PLCB2: variants seen among roughly 807,000 people sequenced by gnomAD.
The protein encoded by PLCB2 is 1-phosphatidylinositol 4,5-bisphosphate phosphodiesterase beta-2.
Under a neutral mutation model 141.7 loss-of-function variants are expected in PLCB2, and 115 were observed. That is an observed-to-expected ratio of 0.81 (90% CI 0.70 to 0.95). The LOEUF (loss-of-function observed/expected upper bound fraction) is 0.95, where lower values mean the gene tolerates loss of function less well. PLCB2 is among the 40% of genes least tolerant of loss of function. PLCB2 has a pLI of 0.00. For synonymous variants in PLCB2, 603 were observed against 595.6 expected (o/e 1.01, Z -0.18); for missense variants, 1,403 against 1,541.1 (o/e 0.91, Z 1.50).
downstream of PLCB2, chr15:40,287,897 T>G (rs1171621185): frequency 9.2e-6 from 9 of 981,912 alleles, no homozygotes; most frequent in Non-Finnish European, 9.7e-6. Context: ...GAGACCAGGC[T>G]TAAGCAGGAA....
At position 40,302,546 on chromosome 15, in the gene PLCB2, G is replaced by T. The variant is rs1331548205; in HGVS notation, c.295C>A (p.Leu99Ile). Residue 99 changes from leucine (L) to isoleucine (I), a missense_variant, in exon 4 of 32, where the codon CTC becomes ATC. By Grantham distance (5) the Leu-to-Ile change is conservative. Around this residue, in one of 4 missense-constraint regions of PLCB2, gnomAD observed 975 missense variants for 1,141.1 expected, o/e 0.85. Coordinates refer to ENST00000260402, the MANE Select transcript of PLCB2 (RefSeq NM_004573.3). ...ATGTCCGGGCCGGACACCACCGTGA[G>T]TGTCTTCAGCAGGAAACTGTTATCA... Reference protein sequence around the residue: ...FPDNSFLLKTLTVVSGPDMVD... With the variant: ...FPDNSFLLKTITVVSGPDMVD... The T allele has an allele frequency of 6.2e-7, 1 of 1,614,228 alleles. No individual in the cohort carries two copies. The highest frequency in any genetic ancestry group is 1.1e-5 in the South Asian group (1 of 91,082).
Position 40,291,001 on chromosome 15 carries a change from C to G in PLCB2, c.3036+17G>C. On this transcript the variant is annotated intron_variant, in intron 27 of 31. Coordinates refer to ENST00000260402, the MANE Select transcript of PLCB2 (RefSeq NM_004573.3). ...CGGTGGGGCTGGTGGGGTTGTCGCCCTGCCCCTCCCGGCCACCTCGGCCAC... is the reference window on the plus strand; with the variant it reads ...CGGTGGGGCTGGTGGGGTTGTCGCCGTGCCCCTCCCGGCCACCTCGGCCAC... The G allele has an allele frequency of 2.5e-6, 4 of 1,586,678 alleles. No individual in the cohort carries two copies. Among genetic ancestry groups the G allele is most frequent in the Non-Finnish European group, 3.4e-6 (4 of 1,175,112 alleles).
Position 40,291,068 on chromosome 15 carries a change from C to CGCCCT in PLCB2, c.2981_2985dup (p.Glu996ArgfsTer10). The CGCCCT allele has an allele frequency of 6.3e-7, 1 of 1,589,890 alleles. No individual in the cohort carries two copies. Among genetic ancestry groups the CGCCCT allele is most frequent in the Non-Finnish European group, 8.5e-7 (1 of 1,175,968 alleles). ...TTCAGAACGCACTCGTACTGCTCCTCGCCCTGCCGCAGCAGCTCCAGCTCC... is the reference window on the plus strand; with the variant it reads ...TTCAGAACGCACTCGTACTGCTCCTCGCCCTGCCCTGCCGCAGCAGCTCCAGCTCC... On this transcript the variant is annotated frameshift_variant, in exon 27 of 32. Coordinates refer to ENST00000260402, the MANE Select transcript of PLCB2 (RefSeq NM_004573.3). LOFTEE classifies it high-confidence loss of function.
chr15:40,301,550 G>A, intron 7 of PLCB2: 1 of 702,986 alleles, frequency 1.4e-6, no homozygotes, highest in South Asian at 1.5e-5. Context: ...ACACGCTGCA[G>A]ACTTCCAGAT....
chr15:40,284,434 C>G (rs1336462878), downstream of PLCB2: 4 of 446,848 alleles, frequency 9.0e-6, no homozygotes, highest in Admixed American at 2.5e-5. Context: ...CTGCTAAATA[C>G]GTACCAACAC....
chr15:40,301,393 A>G (rs1309699358), intron 7 of PLCB2: 1 of 603,144 alleles, frequency 1.7e-6, no homozygotes, highest in Non-Finnish European at 3.0e-6. Context: ...TGTAATTCAC[A>G]CAAGTTGCTT....
Position 40,298,724 on chromosome 15 carries a change from T to G in PLCB2, c.851-16A>C. 5.0e-6 allele frequency: 8 copies of G among 1,613,508 alleles called. No homozygotes were observed. The highest frequency in any genetic ancestry group is 6.8e-6 in the Non-Finnish European group (8 of 1,179,494). On this transcript the variant is annotated splice_polypyrimidine_tract_variant and intron_variant, in intron 9 of 31. Coordinates refer to ENST00000260402, the MANE Select transcript of PLCB2 (RefSeq NM_004573.3). The stretch of plus-strand genomic sequence containing the variant: ...GACAGCTGGCCTGGGGGACAGGAGA[T>G]AGCTGTCAGGCTACAACCCCGCTGC...
chr15:40,294,074 G>A (rs2040072325), intron 19 of PLCB2, among the ~76,000 whole-genome samples, 192 bp downstream of exon 19: 1 of 152,194 alleles, frequency 6.6e-6, no homozygotes, highest in African/African-American at 2.4e-5. Flanking sequence ...GGTTTCCATG[G>A]GGACCAAGTG....
In PLCB2 at chr15:40,296,733, C is replaced by T; in HGVS notation, c.1486+13G>A. ...GCTCCTAATACCCCCCACCATAGTCCTCCCCGACTCACCTGTGCCCTCACC... is the reference window on the plus strand; with the variant it reads ...GCTCCTAATACCCCCCACCATAGTCTTCCCCGACTCACCTGTGCCCTCACC... On this transcript the variant is annotated intron_variant, in intron 14 of 31. Coordinates refer to ENST00000260402, the MANE Select transcript of PLCB2 (RefSeq NM_004573.3). 6.2e-7 allele frequency: 1 copy of T among 1,611,262 alleles called. No homozygotes were observed. The highest frequency in any genetic ancestry group is 8.5e-7 in the Non-Finnish European group (1 of 1,178,136).
rs60309188 is a variant in PLCB2 at position 40,302,090 on chromosome 15, G to C, written c.506+46C>G. On this transcript the variant is annotated intron_variant, in intron 6 of 31. Coordinates refer to ENST00000260402, the MANE Select transcript of PLCB2 (RefSeq NM_004573.3). ...GAGGAGTCAGGCCTGAGAAAGAAAG[G>C]CTTTGGGGAGCCCCTGGAAGCCTGG... is the stretch of plus-strand genomic sequence containing the variant. 5.1e-3 allele frequency: 8,185 copies of C among 1,613,266 alleles called. 134 individuals are homozygous for C. In the East Asian group the frequency reaches 0.066, roughly 13 times the overall value.
At position 40,290,747 on chromosome 15, in the gene PLCB2, G is replaced by T. The variant is rs2039847744; in HGVS notation, c.3113+14C>A. On this transcript the variant is annotated intron_variant, in intron 28 of 31. Transcript: ENST00000260402. ...CTGGGAGGCGAAGCAGGTGTGGGAG[G>T]GAGGCAGTCGTACTTCTCCGACGTC... 1.2e-6 allele frequency: 2 copies of T among 1,613,326 alleles called. No homozygotes were observed. Among genetic ancestry groups the T allele is most frequent in the Non-Finnish European group, 1.7e-6 (2 of 1,179,466 alleles).
chr15:40,297,712 G>A lies in PLCB2; in HGVS notation c.1239-107C>T. ...AGATCAGGGGCCAGGAGGTCAGGGAGGCTGGGACTCGAGCAGGAGAACATG... is the reference window on the plus strand; with the variant it reads ...AGATCAGGGGCCAGGAGGTCAGGGAAGCTGGGACTCGAGCAGGAGAACATG... On this transcript the variant is annotated intron_variant, in intron 12 of 31. Coordinates refer to ENST00000260402, the MANE Select transcript of PLCB2 (RefSeq NM_004573.3). The surrounding 1 kb of genome is among the most constrained non-coding windows in gnomAD (Gnocchi z 4.2). The A allele has an allele frequency of 2.0e-6, 2 of 1,021,994 alleles. No individual in the cohort carries two copies. The highest frequency in any genetic ancestry group is 1.6e-5 in the African/African-American group (1 of 63,732). The allele number at this position is 1,021,994 out of a possible 1,614,324, so 63.3% of individuals were successfully genotyped here.
In PLCB2 at chr15:40,296,576, C is replaced by CTCCTCT. The variant is rs1418656352; in HGVS notation, c.1539_1544dup (p.Glu516_Glu517dup). ...CTTCATCCAGGTTTCCTGACTCCTC[C>CTCCTCT]TCCTCTTCCTCTTCCACCTCCTCCT... On this transcript the variant is annotated inframe_insertion, in exon 15 of 32. Transcript: ENST00000260402. 6.2e-7 allele frequency: 1 copy of CTCCTCT among 1,613,282 alleles called. No homozygotes were observed. Among genetic ancestry groups the CTCCTCT allele is most frequent in the African/African-American group, 1.3e-5 (1 of 74,900 alleles).
chr15:40,300,430 T>C (rs957598080), intron 7 of PLCB2, among the ~76,000 whole-genome samples: 4 of 152,224 alleles, frequency 2.6e-5, no homozygotes, highest in African/African-American at 9.6e-5. Context: ...CCCCTGGGTA[T>C]ATACCCAAGA....
At position 40,288,161 on chromosome 15, in the gene PLCB2, GGA is replaced by G; in HGVS notation, c.*552_*553del. On this transcript the variant is annotated 3_prime_UTR_variant, in exon 32 of 32. Transcript: ENST00000260402. ...CTTTTCCATTTCAGCCTCCCGTTCC[GGA>G]CAGGCAGAGGGGAGGGGAGGGCCCT... 1.0e-6 allele frequency: 1 copy of G among 985,636 alleles called. No individual in the cohort carries two copies. The allele number at this position is 985,636 out of a possible 1,614,324, so 61.1% of individuals were successfully genotyped here.
intron 24 of PLCB2, 53 bp from the exon 25 acceptor site, chr15:40,291,703 C>T (rs2039942005): frequency 3.7e-6 from 6 of 1,607,124 alleles, no homozygotes; most frequent in Non-Finnish European, 4.2e-6. Context: ...CCCTTGGCTC[C>T]GTTCGCCTCC....
At position 40,302,145 on chromosome 15, in the gene PLCB2, G is replaced by A. The variant is rs150110779; in HGVS notation, c.497C>T (p.Pro166Leu). Residue 166 changes from proline (P) to leucine (L), a missense_variant, in exon 6 of 32, where the codon CCG becomes CTG. Coordinates refer to ENST00000260402, the MANE Select transcript of PLCB2 (RefSeq NM_004573.3). ...KMQLNSEGKI[P>L]VKNFFQMFPA... ...GGGTTGGGGGGCTCACTTCTTCACC[G>A]GAATCTTCCCTTCAGAGTTGAGCTG... The A allele has an allele frequency of 1.0e-3, 1,623 of 1,611,124 alleles. 3 individuals carry two copies. Among genetic ancestry groups the A allele is most frequent in the South Asian group, 1.1e-3 (97 of 90,874 alleles).
In PLCB2 at chr15:40,298,225, TGAA is replaced by T. The variant is rs756591366; in HGVS notation, c.1150_1152del (p.Phe384del). 6.3e-5 allele frequency: 98 copies of T among 1,550,608 alleles called. No homozygotes were observed. Among genetic ancestry groups the T allele is most frequent in the Non-Finnish European group, 8.3e-5 (95 of 1,146,098 alleles). The stretch of plus-strand genomic sequence containing the variant: ...AGCCTCTGTGCCCAGGGTCTCACTT[TGAA>T]GAAGATGTCTGTGGTCATGGTGAAG... On this transcript the variant is annotated inframe_deletion, in exon 11 of 32. Transcript: ENST00000260402.
At chr15:40,293,856 G>A (rs1283685991) in intron 19 of PLCB2, 132 bp from the exon 20 acceptor site, 22 of 857,060 alleles carry the variant, frequency 2.6e-5, no homozygotes. Context: ...CTCAGCTCTG[G>A]CCATGAGTAG....
Sources: gnomAD v4.1 joint callset for allele counts (sites outside exome capture counted in the v4.1 genomes callset) on GRCh38, gnomAD v4.1.1 for gene constraint, gnomAD v4.1.1 regional missense constraint, Gnocchi (gnomAD v3.1) non-coding constraint, MANE v1.5 for transcripts, NCBI Gene and HGNC (gene_info 2026-07-23, HGNC 2026-07-21) for gene names.